The following ULK4 variants were observed in gnomAD, a reference collection of about 807,000 sequenced individuals.
ULK4 encodes unc-51 like kinase 4.
ULK4 carries 133 observed loss-of-function variants against 160.6 expected under a neutral mutation model. The ratio of observed to expected loss-of-function variants is 0.83; its 90% CI spans 0.72 to 0.96. The LOEUF (loss-of-function observed/expected upper bound fraction) is 0.96, where lower values mean the gene tolerates loss of function less well. Ranked by LOEUF, ULK4 falls within the 40% of genes least tolerant of loss-of-function variation. The probability of loss-of-function intolerance (pLI) is 0.00; values close to 1 mark genes in which losing one functional copy is unlikely to be tolerated. For missense variants in ULK4, 1,580 were observed against 1,499.5 expected (o/e 1.05, Z -0.89); for synonymous variants, 534 against 539.8 (o/e 0.99, Z 0.15).
At chr3:41,649,268 T>C (rs2034638215) in intron 30 of ULK4, among the ~76,000 whole-genome samples, 1 of 152,156 alleles carries the variant, frequency 6.6e-6, no homozygotes, top group Non-Finnish European at 1.5e-5. Flanking sequence ...TCTCCAAAGA[T>C]GCCAGCTGTA....
At chr3:41,882,859 C>T (rs1188054886) in intron 17 of ULK4, among the ~76,000 whole-genome samples, 4 of 152,150 alleles carry the variant, frequency 2.6e-5, no homozygotes, top group African/African-American at 4.8e-5. Context: ...GATCCTAAGC[C>T]TTCTCATCTT....
At chr3:41,669,642 T>A (rs943747918) in intron 29 of ULK4, among the ~76,000 whole-genome samples, 1 of 152,222 alleles carries the variant, frequency 6.6e-6, no homozygotes, top group Non-Finnish European at 1.5e-5. Context: ...GATGCAGCCA[T>A]AAAAAATGGT....
At chr3:41,533,435 C>A (rs1345564330) in intron 32 of ULK4, among the ~76,000 whole-genome samples, 1 of 152,168 alleles carries the variant, frequency 6.6e-6, no homozygotes, top group Non-Finnish European at 1.5e-5. Context: ...CCTGTTACTT[C>A]AGTTAAATCA....
chr3:41,341,701 G>A (rs1389364075), intron 35 of ULK4, among the ~76,000 whole-genome samples: 1 of 152,162 alleles, frequency 6.6e-6, no homozygotes, highest in African/African-American at 2.4e-5. Context: ...AGGGCAAGTG[G>A]CTTGATGGCA....
intron 5 of ULK4, among the ~76,000 whole-genome samples, chr3:41,920,916 C>CA (rs1220669080): frequency 6.6e-6 from 1 of 152,202 alleles, no homozygotes; most frequent in Non-Finnish European, 1.5e-5. Flanking sequence ...AACACCCTTG[C>CA]ACTCTGTCCA....
chr3:41,665,307 A>G (rs899920705), intron 29 of ULK4, among the ~76,000 whole-genome samples: 11 of 152,294 alleles, frequency 7.2e-5, no homozygotes, highest in Admixed American at 3.9e-4. Flanking sequence ...GAAGGCAACC[A>G]ATGAATTGTA....
At chr3:41,590,001 G>T (rs947622582) in intron 31 of ULK4, among the ~76,000 whole-genome samples, 4 of 151,096 alleles carry the variant, frequency 2.6e-5, no homozygotes, top group Non-Finnish European at 3.0e-5. Flanking sequence ...CAAATGCAAG[G>T]TTTTTTTTGT....
At chr3:41,854,382 A>G (rs1258058386) in intron 17 of ULK4, among the ~76,000 whole-genome samples, 4 of 152,104 alleles carry the variant, frequency 2.6e-5, no homozygotes, top group South Asian at 2.1e-4. Flanking sequence ...AATACTAACA[A>G]TGGAATTTGG....
intron 31 of ULK4, among the ~76,000 whole-genome samples, chr3:41,575,786 T>A (rs188392912): frequency 1.2e-3 from 178 of 152,394 alleles, no homozygotes; most frequent in Admixed American, 3.1e-3. Flanking sequence ...GCGCTGCGAA[T>A]GCCCTTCTGG....
chr3:41,458,281 T>C (rs971833979), intron 33 of ULK4, among the ~76,000 whole-genome samples: 1 of 152,206 alleles, frequency 6.6e-6, no homozygotes, highest in African/African-American at 2.4e-5. Flanking sequence ...ATCCTTTAGT[T>C]AAACCATGAG....
chr3:41,339,865 A>T (rs2080644807), intron 35 of ULK4, among the ~76,000 whole-genome samples: 1 of 152,204 alleles, frequency 6.6e-6, no homozygotes, highest in South Asian at 2.1e-4. Context: ...GGCAGTAGGG[A>T]TGGTAATGTC....
At chr3:41,909,092 C>CA (rs59762077) in intron 11 of ULK4, among the ~76,000 whole-genome samples, 14,311 of 106,300 alleles carry the variant, frequency 0.13, 3,005 homozygotes, top group African/African-American at 0.43. Context: ...CACTCCATCT[C>CA]AAAAAAAAAA....
At chr3:41,596,525 G>A (rs1267175218) in intron 31 of ULK4, among the ~76,000 whole-genome samples, 2 of 152,142 alleles carry the variant, frequency 1.3e-5, no homozygotes, top group African/African-American at 4.8e-5. Context: ...AAAGAGCTGG[G>A]AAGATAATGA....
At chr3:41,854,527 A>G (rs1294494935) in intron 17 of ULK4, among the ~76,000 whole-genome samples, 3 of 152,196 alleles carry the variant, frequency 2.0e-5, no homozygotes, top group Admixed American at 6.5e-5. Flanking sequence ...ATTCTGACCC[A>G]CAAGAATCAA....
intron 32 of ULK4, among the ~76,000 whole-genome samples, chr3:41,482,351 G>A (rs1037769634): frequency 6.6e-6 from 1 of 152,316 alleles, no homozygotes; most frequent in African/African-American, 2.4e-5. Context: ...AAAGCTGGGA[G>A]CAGCAGTGAT....
At chr3:41,821,235 A>C (rs545780191) in intron 18 of ULK4, among the ~76,000 whole-genome samples, 1 of 152,308 alleles carries the variant, frequency 6.6e-6, no homozygotes, top group East Asian at 1.9e-4. Flanking sequence ...TGTTTTCTCT[A>C]AGTCTGCTCT....
chr3:41,948,308 G>A (rs574310743), intron 2 of ULK4, among the ~76,000 whole-genome samples: 1 of 152,164 alleles, frequency 6.6e-6, no homozygotes, highest in South Asian at 2.1e-4. Flanking sequence ...AAGATTCACT[G>A]GGCATGGTAA....
intron 22 of ULK4, among the ~76,000 whole-genome samples, chr3:41,728,835 A>G (rs926335750): frequency 9.9e-5 from 15 of 152,204 alleles, no homozygotes; most frequent in Non-Finnish European, 2.2e-4. Context: ...AGATATATAT[A>G]TATCTCCACA....
chr3:41,470,113 A>G (rs1212326828), intron 32 of ULK4, among the ~76,000 whole-genome samples: 3 of 151,504 alleles, frequency 2.0e-5, no homozygotes, highest in African/African-American at 7.3e-5. Context: ...GCCAACATTC[A>G]GGTAGAGGAA....
Sources: gnomAD v4.1 joint callset for allele counts (sites outside exome capture counted in the v4.1 genomes callset) on GRCh38, gnomAD v4.1.1 for gene constraint, MANE v1.5 for transcripts, NCBI Gene and HGNC (gene_info 2026-07-23, HGNC 2026-07-21) for gene names.